The following GSTCD variants were observed in gnomAD, a reference collection of about 807,000 sequenced individuals.
GSTCD encodes glutathione S-transferase C-terminal domain containing.
GSTCD carries 44 observed loss-of-function variants against 68.3 expected under a neutral mutation model. The observed-to-expected ratio is 0.64, with a 90% CI of 0.51 to 0.83. The LOEUF (loss-of-function observed/expected upper bound fraction) is 0.83, where lower values mean the gene tolerates loss of function less well. GSTCD is among the 40% of genes least tolerant of loss of function. The pLI is 0.00. For missense variants in GSTCD, 739 were observed against 735.9 expected (o/e 1.00, Z -0.05); for synonymous variants, 273 against 255.2 (o/e 1.07, Z -0.67).
chr4:105,744,225 C>G (rs1170656161), intron 5 of GSTCD, among the ~76,000 whole-genome samples: 1 of 152,174 alleles, frequency 6.6e-6, no homozygotes, highest in Non-Finnish European at 1.5e-5. Context: ...AGGAATATCA[C>G]AGATGCGATG....
intron 11 of GSTCD, chr4:105,843,378 C>T (rs1724431721): frequency 6.6e-6 from 1 of 152,218 alleles, no homozygotes; most frequent in Admixed American, 6.5e-5. Flanking sequence ...TAATCAAATA[C>T]ACATTTGATG....
chr4:105,828,215 C>T (rs1578516972), intron 8 of GSTCD, among the ~76,000 whole-genome samples: 1 of 152,224 alleles, frequency 6.6e-6, no homozygotes, highest in South Asian at 2.1e-4. Context: ...TTGCTTTTTG[C>T]TATTTTGCCC....
intron 5 of GSTCD, among the ~76,000 whole-genome samples, chr4:105,791,984 T>C (rs1735694206): frequency 6.6e-6 from 1 of 152,062 alleles, no homozygotes; most frequent in African/African-American, 2.4e-5. Context: ...TATACAGAAA[T>C]TTAAGGAAAA....
rs552224758 is a variant in GSTCD, at chr4:105,801,355, A to G, written c.1241-21599A>G. ...CTAGCAAGTAGGCAAATGCACAAAT[A>G]TAGAATCTGCAAATAATGAGAATTG... On this transcript the variant is annotated intron_variant, in intron 5 of 11. Transcript: ENST00000515279. 1.1e-4 allele frequency among the ~76,000 whole-genome samples: 16 copies of G among 152,256 alleles called. No individual in the cohort carries two copies. The South Asian group carries it at 3.3e-3, about 32-fold the overall frequency.
chr4:105,749,609 C>CAA (rs796071636), intron 5 of GSTCD, among the ~76,000 whole-genome samples: 7 of 113,694 alleles, frequency 6.2e-5, no homozygotes, highest in Admixed American at 8.9e-5. Context: ...CATCCATAGG[C>CAA]AAAAAAAAAA....
intron 5 of GSTCD, among the ~76,000 whole-genome samples, chr4:105,819,518 T>G (rs1307832026): frequency 4.6e-5 from 7 of 151,770 alleles, no homozygotes; most frequent in Admixed American, 4.6e-4. Context: ...GGCATATAAG[T>G]AGGTATCTTA....
At chr4:105,781,855 CAAAAT>C (rs1735286042) in intron 5 of GSTCD, among the ~76,000 whole-genome samples, 1 of 149,020 alleles carries the variant, frequency 6.7e-6, no homozygotes, top group Admixed American at 6.7e-5. Context: ...ACTTCTAAGT[CAAAAT>C]GAACTTTTCC....
intron 5 of GSTCD, among the ~76,000 whole-genome samples, chr4:105,793,173 C>T (rs887123481): frequency 3.3e-5 from 5 of 151,954 alleles, no homozygotes; most frequent in South Asian, 2.1e-4. Flanking sequence ...TCTAATCAGC[C>T]GCTAGCAATT....
At chr4:105,720,112 G>A (rs1370349366) in intron 3 of GSTCD, among the ~76,000 whole-genome samples, 1 of 152,044 alleles carries the variant, frequency 6.6e-6, no homozygotes. Context: ...TTATGTGCTG[G>A]GGGAGAATAG....
At chr4:105,837,248 A>G (rs77762606) in intron 9 of GSTCD, among the ~76,000 whole-genome samples, 28,740 of 151,732 alleles carry the variant, frequency 0.19, 5,368 homozygotes, top group African/African-American at 0.49. Context: ...TCCCACAACT[A>G]CCTCCTTTAT....
At chr4:105,780,509 C>G (rs1015212690) in intron 5 of GSTCD, among the ~76,000 whole-genome samples, 1 of 152,156 alleles carries the variant, frequency 6.6e-6, no homozygotes, top group Non-Finnish European at 1.5e-5. Flanking sequence ...CATATAAGAA[C>G]TGACTGAACA....
At position 105,845,663 on chromosome 4, in the gene GSTCD, A is replaced by G. The variant is rs1211184215; in HGVS notation, c.*86A>G. 1.8e-5 allele frequency: 25 copies of G among 1,398,746 alleles called. No homozygotes were observed. Among genetic ancestry groups the G allele is most frequent in the Non-Finnish European group, 2.4e-5 (24 of 998,866 alleles). 86.6% of individuals were successfully genotyped at this position (1,398,746 alleles called of 1,614,324 possible). A position where few individuals can be genotyped will look rare whatever the true frequency, so the allele number is the denominator to read the frequency against. On this transcript the variant is annotated 3_prime_UTR_variant, in exon 12 of 12. Transcript: ENST00000515279. ...TCAGGAGGTTCTTGGCATAACTAGGAAACAGCATTAGCCATCTTGAACCTA... is the reference window on the plus strand; with the variant it reads ...TCAGGAGGTTCTTGGCATAACTAGGGAACAGCATTAGCCATCTTGAACCTA...
chr4:105,811,622 G>A (rs1255796059), intron 5 of GSTCD, among the ~76,000 whole-genome samples: 1 of 151,498 alleles, frequency 6.6e-6, no homozygotes, highest in Non-Finnish European at 1.5e-5. Context: ...CGTGGCACAT[G>A]TATACATATG....
chr4:105,810,085 G>T (rs1010890856), intron 5 of GSTCD, among the ~76,000 whole-genome samples: 1 of 151,860 alleles, frequency 6.6e-6, no homozygotes, highest in African/African-American at 2.4e-5. Flanking sequence ...TTATTTTACT[G>T]CCCTACATAA....
chr4:105,842,650 A>C (rs1213709394), intron 11 of GSTCD, among the ~76,000 whole-genome samples: 1 of 152,248 alleles, frequency 6.6e-6, no homozygotes, highest in Non-Finnish European at 1.5e-5. Flanking sequence ...GATTTATTGA[A>C]GACATCACTT....
At chr4:105,770,420 C>T (rs779759321) in intron 5 of GSTCD, among the ~76,000 whole-genome samples, 1 of 150,470 alleles carries the variant, frequency 6.6e-6, no homozygotes, top group Non-Finnish European at 1.5e-5. Flanking sequence ...ATGTGCAGAA[C>T]ATGCAGGTTT....
intron 3 of GSTCD, among the ~76,000 whole-genome samples, chr4:105,722,443 G>A (rs911657225): frequency 1.3e-5 from 2 of 151,992 alleles, no homozygotes; most frequent in African/African-American, 4.8e-5. Flanking sequence ...AAAAAACAGA[G>A]AGCTGGGATT....
intron 1 of GSTCD, among the ~76,000 whole-genome samples, chr4:105,713,043 A>C (rs541415563): frequency 6.6e-6 from 1 of 152,332 alleles, no homozygotes; most frequent in East Asian, 1.9e-4. Flanking sequence ...CAATGTAATG[A>C]GTAACAACCA....
At chr4:105,807,697 A>G (rs1339260429) in intron 5 of GSTCD, among the ~76,000 whole-genome samples, 1 of 152,104 alleles carries the variant, frequency 6.6e-6, no homozygotes, top group Non-Finnish European at 1.5e-5. Context: ...GTATGCCTTG[A>G]GTATACCACA....
Sources: gnomAD v4.1 joint callset for allele counts (sites outside exome capture counted in the v4.1 genomes callset) on GRCh38, gnomAD v4.1.1 for gene constraint, MANE v1.5 for transcripts, NCBI Gene and HGNC (gene_info 2026-07-23, HGNC 2026-07-21) for gene names.